Variants in DAGLB observed in about 807,000 individuals in gnomAD.
The protein encoded by DAGLB is diacylglycerol lipase beta, also known as diacylglycerol lipase-beta.
In DAGLB, 66 loss-of-function variants were observed where a neutral mutation model predicts 72.1. The observed-to-expected ratio is 0.92, with a 90% CI of 0.75 to 1.12. The LOEUF (loss-of-function observed/expected upper bound fraction) is 1.12, where lower values mean the gene tolerates loss of function less well. DAGLB is among the 50% of genes most tolerant of loss of function. The pLI is 0.00. For synonymous variants in DAGLB, 414 were observed against 359.5 expected, an observed-to-expected ratio of 1.15 and a Z score of -1.71; for missense variants, 1,065 against 884.9, an observed-to-expected ratio of 1.20 and a Z score of -2.58.
chr7:6,416,674 G>A lies in DAGLB; in HGVS notation c.1380C>T (p.Tyr460=), dbSNP rs1783927775. 6.2e-7 allele frequency: 1 copy of A among 1,613,748 alleles called. No homozygotes were observed. The highest frequency in any genetic ancestry group is 2.2e-5 in the East Asian group (1 of 44,884). The change falls in exon 11 of 15, where the codon TAC becomes TAT. Residue 460 remains tyrosine, a synonymous_variant. Transcript: ENST00000297056. ...ALLATMLRAA[Y]PQVRCYAFSP... ...AGAAGGCGTAGCACCTGACCTGCGG[G>A]TAGGCGGCTCTGAGCATGGTGGCCA...
Position 6,446,171 on chromosome 7 carries a change from C to G in DAGLB, c.96-67G>C, listed in dbSNP as rs965187807. 155 of 1,502,754 alleles carry G rather than the reference C, an allele frequency of 1.0e-4. 1 individual carries two copies. Among genetic ancestry groups the G allele is most frequent in the Admixed American group, 1.6e-4 (7 of 43,322 alleles). 93.1% of individuals were successfully genotyped at this position (1,502,754 alleles called of 1,614,324 possible). ...AGGAGCTGCTGTGTAGAACATGATA[C>G]AAAGAAATAAAAGGGGACAGGGCGC... is the stretch of plus-strand genomic sequence containing the variant. On this transcript the variant is annotated intron_variant, in intron 1 of 14. Transcript: ENST00000297056.
chr7:6,439,345 G>A (rs139083961), intron 2 of DAGLB, among the ~76,000 whole-genome samples: 7 of 151,836 alleles, frequency 4.6e-5, no homozygotes, highest in South Asian at 2.1e-4. Context: ...CCTGGCTGCC[G>A]CAGCAGGCTT....
intron 2 of DAGLB, among the ~76,000 whole-genome samples, chr7:6,437,087 G>A (rs147125525): frequency 0.021 from 3,153 of 151,548 alleles, 47 homozygotes; most frequent in Non-Finnish European, 0.031. Context: ...CCAGGAGGCG[G>A]AGGTTGCAGT....
intron 13 of DAGLB, among the ~76,000 whole-genome samples, chr7:6,411,348 G>A (rs2115235763): frequency 6.6e-6 from 1 of 151,960 alleles, no homozygotes; most frequent in African/African-American, 2.4e-5. Context: ...GCTGGGCACA[G>A]CAGTGGCTCA....
intron 2 of DAGLB, among the ~76,000 whole-genome samples, chr7:6,443,198 A>C (rs1163952682): frequency 6.7e-6 from 1 of 150,096 alleles, no homozygotes; most frequent in African/African-American, 2.4e-5. Context: ...GGAAAAAAAA[A>C]ACAAAAAACA....
chr7:6,437,537 T>G (rs939058830), intron 2 of DAGLB, among the ~76,000 whole-genome samples: 2 of 152,168 alleles, frequency 1.3e-5, no homozygotes, highest in African/African-American at 2.4e-5. Context: ...GCTCAAGTGA[T>G]CCACCCACCT....
chr7:6,434,688 A>T (rs1562486796), intron 4 of DAGLB, 74 bp downstream of exon 4: 4 of 1,594,626 alleles, frequency 2.5e-6, no homozygotes, highest in Non-Finnish European at 2.6e-6. Flanking sequence ...TTTTATGGGA[A>T]CAGAGGGACC....
At position 6,447,446 on chromosome 7, in the gene DAGLB, C is replaced by T. The variant is rs1019194971; in HGVS notation, c.95+302G>A. ...GTAACACCCTCGTGGCACCCCAGGG[C>T]CAGGTCTCGGCGCTGCACACAAAGG... On this transcript the variant is annotated intron_variant, in intron 1 of 14. Coordinates refer to ENST00000297056, the MANE Select transcript of DAGLB (RefSeq NM_139179.4). Among the ~76,000 whole-genome samples the T allele has an allele frequency of 6.6e-5, 10 of 152,334 alleles. No homozygotes were observed. The South Asian group carries it at 2.1e-3, about 32-fold the overall frequency.
intron 11 of DAGLB, 65 bp downstream of exon 11, chr7:6,416,562 A>T (rs1783923480): frequency 6.6e-7 from 1 of 1,520,584 alleles, no homozygotes; most frequent in African/African-American, 1.4e-5. Context: ...AAAGAAAAAA[A>T]AGATGAGTCT....
At position 6,436,371 on chromosome 7, in the gene DAGLB, A is replaced by G; in HGVS notation, c.410T>C (p.Val137Ala). The change falls in exon 3 of 15, where the codon GTC becomes GCC. Residue 137 changes from valine (V) to alanine (A), a missense_variant. Transcript: ENST00000297056. ...RTVVNGIIAT[V>A]VVSWIIIAAT... Reference sequence around the variant, plus strand: ...AGAAGGGAGATGTCACCTGACCACGACGGTTGCGATGATGCCGTTTACAAC... The same window carrying G: ...AGAAGGGAGATGTCACCTGACCACGGCGGTTGCGATGATGCCGTTTACAAC... The G allele has an allele frequency of 6.2e-7, 1 of 1,608,284 alleles. No homozygotes were observed. The highest frequency in any genetic ancestry group is 1.1e-5 in the South Asian group (1 of 90,074).
Position 6,409,833 on chromosome 7 carries a change from C to T in DAGLB, c.*4G>A. 1 of 1,613,058 alleles carries T rather than the reference C, an allele frequency of 6.2e-7. No individual in the cohort carries two copies. The highest frequency in any genetic ancestry group is 8.5e-7 in the Non-Finnish European group (1 of 1,179,552). ...GTTCCTGGGACAGTTTCCAGTGGCC[C>T]TGGTCAGGCCACGTCCACACTGGAG... On this transcript the variant is annotated 3_prime_UTR_variant, in exon 15 of 15. Coordinates refer to ENST00000297056, the MANE Select transcript of DAGLB (RefSeq NM_139179.4).
chr7:6,440,411 A>T (rs1784792231), intron 2 of DAGLB, among the ~76,000 whole-genome samples: 9 of 151,894 alleles, frequency 5.9e-5, no homozygotes. Context: ...AGTTTTCCTC[A>T]ATTGAGCTAC....
intron 2 of DAGLB, among the ~76,000 whole-genome samples, chr7:6,443,249 TAAA>T (rs60124255): frequency 0.16 from 12,221 of 78,036 alleles, 776 homozygotes; most frequent in African/African-American, 0.23. Context: ...TTGTCTCTAC[TAAA>T]AAAAAAAAAA....
intron 6 of DAGLB, among the ~76,000 whole-genome samples, chr7:6,427,116 C>T (rs569305367): frequency 1.3e-5 from 2 of 152,134 alleles, no homozygotes; most frequent in South Asian, 2.1e-4. Context: ...TCAAAAAATA[C>T]AATTAAATTA....
In DAGLB at chr7:6,411,314, A is replaced by G. The variant is rs538514132; in HGVS notation, c.1570-934T>C. Among the ~76,000 whole-genome samples, 14 of 152,098 alleles carry G rather than the reference A, an allele frequency of 9.2e-5. No individual in the cohort carries two copies. In the South Asian group the frequency reaches 2.9e-3, roughly 32 times the overall value. ...GTGAGCCACCGGGCCCGCCCTAGAT[A>G]CTAATTTCTAAAAAAAATTTTAGGC... On this transcript the variant is annotated intron_variant, in intron 13 of 14. Transcript: ENST00000297056.
Position 6,447,926 on chromosome 7 carries a change from C to G in DAGLB, c.-84G>C. ...AACCAGCACCCTCCGGACGCCGCCA[C>G]CAAATTATCGGCGCTCAAGCGCAAA... On this transcript the variant is annotated 5_prime_UTR_variant, in exon 1 of 15. Coordinates refer to ENST00000297056, the MANE Select transcript of DAGLB (RefSeq NM_139179.4). 2 of 1,474,520 alleles carry G rather than the reference C, an allele frequency of 1.4e-6. No individual in the cohort carries two copies. The highest frequency in any genetic ancestry group is 1.8e-6 in the Non-Finnish European group (2 of 1,115,858). 91.3% of individuals were successfully genotyped at this position (1,474,520 alleles called of 1,614,324 possible). A position where few individuals can be genotyped will look rare whatever the true frequency, so the allele number is the denominator to read the frequency against.
chr7:6,446,236 A>T, intron 1 of DAGLB, 132 bp from the exon 2 acceptor site: 3 of 755,628 alleles, frequency 4.0e-6, no homozygotes, highest in Admixed American at 3.7e-5. Flanking sequence ...TGGGAGGGTG[A>T]GGTGGGCGGA....
chr7:6,424,939 G>A (rs1484811929), intron 7 of DAGLB, 104 bp from the exon 8 acceptor site: 3 of 1,130,064 alleles, frequency 2.7e-6, no homozygotes, highest in East Asian at 2.4e-5. Flanking sequence ...AAGTCCTGCG[G>A]CACAGAGAGG....
At chr7:6,427,064 C>T (rs1330350716) in intron 6 of DAGLB, among the ~76,000 whole-genome samples, 3 of 151,980 alleles carry the variant, frequency 2.0e-5, no homozygotes, top group Non-Finnish European at 2.9e-5. Context: ...ACTGAGATCG[C>T]GCCACTGCAC....
Sources: allele counts gnomAD v4.1 joint callset (sites outside exome capture counted in the v4.1 genomes callset), GRCh38; gene constraint gnomAD v4.1.1; transcripts MANE v1.5; gene names NCBI Gene and HGNC (gene_info 2026-07-23, HGNC 2026-07-21).